The following FAM193A variants were observed in gnomAD, a reference collection of about 807,000 sequenced individuals.
The protein encoded by FAM193A is family with sequence similarity 193 member A, also known as protein FAM193A.
FAM193A carries 22 observed loss-of-function variants against 126.5 expected under a neutral mutation model. The ratio of observed to expected loss-of-function variants is 0.17; its 90% CI spans 0.12 to 0.25. FAM193A has a LOEUF of 0.25. Among genes scored for constraint, FAM193A ranks in the 10% least tolerant of loss-of-function variants. The probability of loss-of-function intolerance (pLI) is 1.00; values close to 1 mark genes in which losing one functional copy is unlikely to be tolerated. For synonymous variants in FAM193A, 761 were observed against 646.8 expected (o/e 1.18, Z -2.68); for missense variants, 1,675 against 1,672.8 (o/e 1.00, Z -0.02).
At chr4:2,597,869 C>G (rs1274798445) in intron 2 of FAM193A, among the ~76,000 whole-genome samples, 2 of 152,158 alleles carry the variant, frequency 1.3e-5, no homozygotes, top group Non-Finnish European at 2.9e-5. Context: ...TTGGTAGTCA[C>G]TTCCCTTCCC....
chr4:2,596,738 C>T (rs868639945), intron 2 of FAM193A, among the ~76,000 whole-genome samples: 4 of 148,402 alleles, frequency 2.7e-5, no homozygotes, highest in South Asian at 4.2e-4. Context: ...CTGCTTCAGC[C>T]TCTTCGAGGC....
At chr4:2,592,292 G>A (rs796829340) in intron 1 of FAM193A, among the ~76,000 whole-genome samples, 64 of 152,248 alleles carry the variant, frequency 4.2e-4, no homozygotes, top group African/African-American at 1.5e-3. Flanking sequence ...GTTTCACCAC[G>A]TTGGCCAGGC....
intron 1 of FAM193A, among the ~76,000 whole-genome samples, chr4:2,539,615 C>T (rs1222158525): frequency 6.6e-6 from 1 of 151,904 alleles, no homozygotes; most frequent in Non-Finnish European, 1.5e-5. Flanking sequence ...CTATGTTACC[C>T]AGGCTTGTCT....
At chr4:2,709,811 T>C (rs1718713530) in intron 19 of FAM193A, among the ~76,000 whole-genome samples, 1 of 152,344 alleles carries the variant, frequency 6.6e-6, no homozygotes, top group Admixed American at 6.5e-5. Context: ...AAAGGTTTGA[T>C]AGAAATCCCT....
intron 12 of FAM193A, among the ~76,000 whole-genome samples, chr4:2,670,284 TTTTG>T (rs1171306216): frequency 6.6e-6 from 1 of 152,332 alleles, no homozygotes; most frequent in Non-Finnish European, 1.5e-5. Context: ...TTTACTGTTT[TTTTG>T]TTTCTCTTTT....
At chr4:2,561,942 C>T (rs1406928319) in intron 1 of FAM193A, among the ~76,000 whole-genome samples, 1 of 152,138 alleles carries the variant, frequency 6.6e-6, no homozygotes, top group African/African-American at 2.4e-5. Flanking sequence ...AACTCTTCTT[C>T]CCATATTACA....
intron 1 of FAM193A, among the ~76,000 whole-genome samples, chr4:2,580,407 A>G (rs1290223053): frequency 1.3e-5 from 2 of 152,200 alleles, no homozygotes; most frequent in African/African-American, 4.8e-5. Context: ...GGGTGAAGAA[A>G]TAATCGGTAC....
intron 7 of FAM193A, among the ~76,000 whole-genome samples, chr4:2,651,536 A>G (rs150932686): frequency 0.014 from 2,137 of 152,290 alleles, 15 homozygotes; most frequent in Non-Finnish European, 0.021. Context: ...CTGAGCCATC[A>G]CATCTTGTGA....
chr4:2,608,213 G>T, intron 2 of FAM193A: 1 of 1,271,460 alleles, frequency 7.9e-7, no homozygotes. Flanking sequence ...GAGACGGTCG[G>T]TCTCGCCCAG....
chr4:2,699,881 C>G lies in FAM193A; in HGVS notation c.3709C>G (p.Pro1237Ala). 1 of 1,613,950 alleles carries G rather than the reference C, an allele frequency of 6.2e-7. No homozygotes were observed. Among genetic ancestry groups the G allele is most frequent in the Non-Finnish European group, 8.5e-7 (1 of 1,179,976 alleles). ...KKKERPSKDC[P>A]KLDMLTRNFQ... Reference sequence around the variant, plus strand: ...GAAGGAGAGGCCAAGTAAAGACTGCCCCAAGTTGGACATGCTCACTAGAAA... The same window carrying G: ...GAAGGAGAGGCCAAGTAAAGACTGCGCCAAGTTGGACATGCTCACTAGAAA... Residue 1237 changes from proline (P) to alanine (A), a missense_variant, in exon 19 of 21, where the codon CCC becomes GCC. Pro to Ala is a conservative substitution (Grantham distance 27). Transcript: ENST00000637812.
intron 20 of FAM193A, among the ~76,000 whole-genome samples, chr4:2,722,125 C>T (rs113086519): frequency 2.2e-4 from 34 of 152,300 alleles, no homozygotes; most frequent in African/African-American, 4.3e-4. Context: ...GAGGACAGCA[C>T]GGCGCCACGG....
intron 7 of FAM193A, among the ~76,000 whole-genome samples, chr4:2,651,995 A>G (rs552307077): frequency 2.4e-4 from 37 of 152,284 alleles, no homozygotes; most frequent in African/African-American, 8.9e-4. Context: ...ATGATAGGGA[A>G]TGTGGAGAAT....
intron 1 of FAM193A, among the ~76,000 whole-genome samples, chr4:2,538,096 G>A (rs1243071236): frequency 6.6e-6 from 1 of 151,796 alleles, no homozygotes; most frequent in Admixed American, 6.6e-5. Flanking sequence ...TTCTTATAAT[G>A]TTATTTAAAC....
At chr4:2,663,511 T>A (rs944631932) in intron 12 of FAM193A, among the ~76,000 whole-genome samples, 12 of 152,122 alleles carry the variant, frequency 7.9e-5, no homozygotes, top group African/African-American at 2.9e-4. Flanking sequence ...GTGGAGGCCT[T>A]TTTTGTCTGT....
chr4:2,573,468 G>C (rs943773421), intron 1 of FAM193A, among the ~76,000 whole-genome samples: 1 of 150,772 alleles, frequency 6.6e-6, no homozygotes, highest in Non-Finnish European at 1.5e-5. Context: ...AGCTGAGATC[G>C]TGCCACTGCA....
At chr4:2,694,902 C>T (rs894386255) in intron 16 of FAM193A, 44 bp from the exon 17 acceptor site, 13 of 1,523,220 alleles carry the variant, frequency 8.5e-6, no homozygotes, top group Non-Finnish European at 1.1e-5. Flanking sequence ...GTCATTGCCT[C>T]CCGGGCCGGC....
intron 20 of FAM193A, 106 bp from the exon 21 acceptor site, chr4:2,731,669 C>G (rs1468488598): frequency 6.0e-6 from 5 of 832,490 alleles, no homozygotes; most frequent in African/African-American, 5.0e-5. Context: ...ACCCCTGACC[C>G]CGCAGTGAGT....
In FAM193A at chr4:2,620,836, C is replaced by CAAAAAAAAAAAA. The variant is rs34305537; in HGVS notation, c.502-4415_502-4404dup. On this transcript the variant is annotated intron_variant, in intron 2 of 20. Coordinates refer to ENST00000637812, the MANE Select transcript of FAM193A (RefSeq NM_001366318.2). ...GGGCAAGAAGACTGCAACTCCGTCT[C>CAAAAAAAAAAAA]AAAAAAAAAAAAAAAAAAAAAAGTA... is the stretch of plus-strand genomic sequence containing the variant. Among the ~76,000 whole-genome samples, 85 of 69,086 alleles carry CAAAAAAAAAAAA rather than the reference C, an allele frequency of 1.2e-3. 1 individual carries two copies. Among genetic ancestry groups the CAAAAAAAAAAAA allele is most frequent in the African/African-American group, 4.6e-3 (76 of 16,492 alleles). The allele number at this position is 69,086 out of a possible 152,430, so 45.3% of individuals were successfully genotyped here.
intron 20 of FAM193A, among the ~76,000 whole-genome samples, chr4:2,717,315 G>A (rs1329453602): frequency 6.6e-6 from 1 of 152,142 alleles, no homozygotes; most frequent in Non-Finnish European, 1.5e-5. Flanking sequence ...ACTAGAGGCT[G>A]CGCCTGGTGG....
Sources: gnomAD v4.1 joint callset for allele counts (sites outside exome capture counted in the v4.1 genomes callset) on GRCh38, gnomAD v4.1.1 for gene constraint, MANE v1.5 for transcripts, NCBI Gene and HGNC (gene_info 2026-07-23, HGNC 2026-07-21) for gene names.